Variants in ZNF385B observed in about 807,000 individuals in gnomAD.
ZNF385B encodes zinc finger protein 533.
ZNF385B carries 23 observed loss-of-function variants against 39.2 expected under a neutral mutation model. That is an observed-to-expected ratio of 0.59 (90% CI 0.42 to 0.83). The LOEUF (loss-of-function observed/expected upper bound fraction) is 0.83, where lower values mean the gene tolerates loss of function less well. ZNF385B is among the 40% of genes least tolerant of loss of function. The pLI, the probability that ZNF385B is intolerant of heterozygous loss-of-function variation, is 0.00. For synonymous variants in ZNF385B, 205 were observed against 222.6 expected, an observed-to-expected ratio of 0.92 and a Z score of 0.70; for missense variants, 552 against 598.9, an observed-to-expected ratio of 0.92 and a Z score of 0.82.
At position 179,848,064 on chromosome 2, in the gene ZNF385B, C is replaced by T. The variant is rs1410136111; in HGVS notation, c.-155+13037G>A. 2.0e-5 allele frequency among the ~76,000 whole-genome samples: 3 copies of T among 152,066 alleles called. No individual in the cohort carries two copies. The East Asian group carries it at 5.8e-4, about 29-fold the overall frequency. ...TCTGGAGCAAGGAGGAGGTGCTGCACATGAAAGGAGCCAGCCTGGATGTAG... is the reference window on the plus strand; with the variant it reads ...TCTGGAGCAAGGAGGAGGTGCTGCATATGAAAGGAGCCAGCCTGGATGTAG... On this transcript the variant is annotated intron_variant, in intron 1 of 9. Transcript: ENST00000410066.
intron 3 of ZNF385B, among the ~76,000 whole-genome samples, chr2:179,567,285 G>C (rs984470040): frequency 7.2e-5 from 11 of 152,072 alleles, no homozygotes; most frequent in African/African-American, 2.7e-4. Context: ...ATTTTCACAA[G>C]TTTACTTATT....
intron 3 of ZNF385B, among the ~76,000 whole-genome samples, chr2:179,687,466 T>G (rs919446823): frequency 3.3e-5 from 5 of 152,178 alleles, no homozygotes; most frequent in Admixed American, 2.6e-4. Flanking sequence ...CTAACTGGCT[T>G]GCATTACTTC....
chr2:179,446,803 C>T, intron 6 of ZNF385B, 33 bp from the exon 7 acceptor site: 5 of 1,558,114 alleles, frequency 3.2e-6, no homozygotes, highest in Non-Finnish European at 4.3e-6. Flanking sequence ...TTATTGAAGC[C>T]TCATATATCA....
intron 3 of ZNF385B, among the ~76,000 whole-genome samples, chr2:179,729,442 C>T (rs1040953499): frequency 6.6e-6 from 1 of 152,144 alleles, no homozygotes. Flanking sequence ...TCAGAAGTTT[C>T]AAGACCACGG....
At chr2:179,536,637 T>C (rs974144322) in intron 4 of ZNF385B, 1 of 152,208 alleles carries the variant, frequency 6.6e-6, no homozygotes, top group Non-Finnish European at 1.5e-5. Flanking sequence ...CACAATCCTC[T>C]ATTATGTTAT....
intron 3 of ZNF385B, among the ~76,000 whole-genome samples, chr2:179,651,944 A>T (rs1693229490): frequency 6.6e-6 from 1 of 152,194 alleles, no homozygotes; most frequent in Non-Finnish European, 1.5e-5. Flanking sequence ...CGGAACGGAA[A>T]AGAGAATCAA....
intron 3 of ZNF385B, among the ~76,000 whole-genome samples, chr2:179,637,936 T>G (rs890596257): frequency 1.3e-5 from 2 of 152,252 alleles, no homozygotes; most frequent in African/African-American, 4.8e-5. Flanking sequence ...ATCACACGTA[T>G]GAAGACAACA....
At chr2:179,798,635 C>T (rs1472978626) in intron 1 of ZNF385B, among the ~76,000 whole-genome samples, 1 of 151,936 alleles carries the variant, frequency 6.6e-6, no homozygotes, top group Non-Finnish European at 1.5e-5. Context: ...TGATTACTAA[C>T]CCCAATAACA....
At chr2:179,836,668 G>A (rs1408808629) in intron 1 of ZNF385B, among the ~76,000 whole-genome samples, 1 of 150,948 alleles carries the variant, frequency 6.6e-6, no homozygotes, top group African/African-American at 2.4e-5. Flanking sequence ...ACAGGCGCCC[G>A]CCACCGTGCC....
intron 3 of ZNF385B, among the ~76,000 whole-genome samples, chr2:179,676,504 G>C (rs113410402): frequency 0.029 from 4,359 of 152,214 alleles, 213 homozygotes; most frequent in African/African-American, 0.099. Flanking sequence ...GATTACAGGC[G>C]TGAGGCCGAC....
chr2:179,829,399 T>A (rs1707851008), intron 1 of ZNF385B, among the ~76,000 whole-genome samples: 1 of 152,186 alleles, frequency 6.6e-6, no homozygotes, highest in Non-Finnish European at 1.5e-5. Flanking sequence ...ACCTTACACC[T>A]TTAACAAAAA....
At chr2:179,570,025 C>T (rs1559496006) in intron 3 of ZNF385B, among the ~76,000 whole-genome samples, 1 of 152,152 alleles carries the variant, frequency 6.6e-6, no homozygotes, top group Non-Finnish European at 1.5e-5. Context: ...TGATACTTGG[C>T]AAATGAGGTA....
At chr2:179,487,246 G>A (rs1163395695) in intron 5 of ZNF385B, among the ~76,000 whole-genome samples, 2 of 152,244 alleles carry the variant, frequency 1.3e-5, no homozygotes, top group Non-Finnish European at 2.9e-5. Flanking sequence ...ATCCACTTCT[G>A]CTTCGAGTTC....
At chr2:179,838,934 G>A (rs1485149048) in intron 1 of ZNF385B, among the ~76,000 whole-genome samples, 1 of 149,908 alleles carries the variant, frequency 6.7e-6, no homozygotes, top group Non-Finnish European at 1.5e-5. Context: ...AAAAAGGGGG[G>A]GGGGCATTTT....
chr2:179,540,747 G>A (rs2059871992), intron 4 of ZNF385B, among the ~76,000 whole-genome samples: 1 of 151,894 alleles, frequency 6.6e-6, no homozygotes, highest in Admixed American at 6.5e-5. Context: ...TTCTAGTGAA[G>A]AAGACAGATT....
At chr2:179,449,460 GACAA>G (rs1389307505) in intron 6 of ZNF385B, among the ~76,000 whole-genome samples, 3 of 152,040 alleles carry the variant, frequency 2.0e-5, no homozygotes, top group African/African-American at 7.2e-5. Flanking sequence ...ACCAATAACA[GACAA>G]ACAGAGAGCC....
chr2:179,854,485 A>C (rs1382145268), intron 1 of ZNF385B, among the ~76,000 whole-genome samples: 1 of 152,136 alleles, frequency 6.6e-6, no homozygotes, highest in East Asian at 1.9e-4. Context: ...AAAGGCAAAA[A>C]CTGTAACTAC....
Position 179,616,854 on chromosome 2 carries a change from C to A in ZNF385B, c.299-71885G>T, listed in dbSNP as rs553250552. Among the ~76,000 whole-genome samples, 14 of 152,260 alleles carry A rather than the reference C, an allele frequency of 9.2e-5. No individual in the cohort carries two copies. The South Asian group carries it at 2.9e-3, about 32-fold the overall frequency. On this transcript the variant is annotated intron_variant, in intron 3 of 9. Coordinates refer to ENST00000410066, the MANE Select transcript of ZNF385B (RefSeq NM_152520.6). ...GGGATTATAGGCGTGAGCCACCGCA[C>A]CTGGCCCAATCAATCAGTTTTTATT...
intron 3 of ZNF385B, among the ~76,000 whole-genome samples, chr2:179,655,517 G>C (rs1000856846): frequency 1.3e-5 from 2 of 149,864 alleles, no homozygotes; most frequent in Admixed American, 6.6e-5. Flanking sequence ...CTGAACACAT[G>C]TTAATAGGTT....
Sources: gnomAD v4.1 joint callset for allele counts (sites outside exome capture counted in the v4.1 genomes callset) on GRCh38, gnomAD v4.1.1 for gene constraint, MANE v1.5 for transcripts, NCBI Gene and HGNC (gene_info 2026-07-23, HGNC 2026-07-21) for gene names.